CHRDL1: variants seen among roughly 807,000 people sequenced by gnomAD.
The protein encoded by CHRDL1 is chordin like 1.
A neutral mutation model predicts 40.9 loss-of-function variants in CHRDL1; 19 were observed. That is an observed-to-expected ratio of 0.46 (90% CI 0.32 to 0.68). CHRDL1 has a LOEUF of 0.68. CHRDL1 is among the 30% of genes least tolerant of loss of function. CHRDL1 has a pLI of 0.03. For missense variants in CHRDL1, 329 were observed against 352.1 expected, an observed-to-expected ratio of 0.93 and a Z score of 0.53; for synonymous variants, 136 against 123.4, an observed-to-expected ratio of 1.10 and a Z score of -0.68.
chrX:110,718,882 T>C (rs1362280327), intron 6 of CHRDL1, among the ~76,000 whole-genome samples: 2 of 111,970 alleles, frequency 1.8e-5, no homozygotes, highest in East Asian at 5.6e-4. Context: ...TATTGTTGTG[T>C]AGGTTGTGTG....
At chrX:110,689,796 C>CATCTATAT (rs2070190654) in intron 8 of CHRDL1, among the ~76,000 whole-genome samples, 1 of 1,951 alleles carries the variant, frequency 5.1e-4, no homozygotes, top group Non-Finnish European at 9.0e-4. Context: ...TATATCTATA[C>CATCTATAT]ATCTATATAT....
Position 110,741,843 on chromosome X carries a change from T to C in CHRDL1, c.301+17818A>G, listed in dbSNP as rs181005350. 1.7e-3 allele frequency among the ~76,000 whole-genome samples: 188 copies of C among 112,041 alleles called. 1 individual carries two copies. The highest frequency in any genetic ancestry group is 5.9e-3 in the African/African-American group (182 of 30,860). On this transcript the variant is annotated intron_variant, in intron 4 of 11. Coordinates refer to ENST00000372042, the MANE Select transcript of CHRDL1 (RefSeq NM_001143981.2). ...AACCATCTGGCCATTCTACTGCAGA[T>C]AGGCCACAGGCTATTTACCCCCTTG...
chrX:110,721,325 C>CA (rs2070946954), intron 5 of CHRDL1, 60 bp downstream of exon 5: 1 of 1,074,031 alleles, frequency 9.3e-7, no homozygotes. Context: ...AGTACAAGTA[C>CA]AGAGGAAGCT....
chrX:110,772,110 A>G (rs1256481315), intron 2 of CHRDL1, among the ~76,000 whole-genome samples: 4 of 111,473 alleles, frequency 3.6e-5, no homozygotes, highest in African/African-American at 1.3e-4. Context: ...GAAAAAATCA[A>G]TGAAGGCCTA....
chrX:110,775,350 T>G (rs952838032), intron 2 of CHRDL1, among the ~76,000 whole-genome samples: 1 of 111,371 alleles, frequency 9.0e-6, no homozygotes, highest in Non-Finnish European at 1.9e-5. Flanking sequence ...AAAATAAAAT[T>G]TGAATTTCAC....
rs769304713 is a variant in CHRDL1 at position 110,729,032 on chromosome X, C to A, written c.302-7502G>T. Among the ~76,000 whole-genome samples, 5 of 112,100 alleles carry A rather than the reference C, an allele frequency of 4.5e-5. No homozygotes were observed. In the South Asian group the frequency reaches 1.5e-3, roughly 34 times the overall value. On this transcript the variant is annotated intron_variant, in intron 4 of 11. Coordinates refer to ENST00000372042, the MANE Select transcript of CHRDL1 (RefSeq NM_001143981.2). ...ATCCCAGCTACTCTGGAGGCTGAGG[C>A]AGGAGAATCGCTTGAACCTGGGAGG...
At chrX:110,750,220 A>AC (rs1001214624) in intron 4 of CHRDL1, among the ~76,000 whole-genome samples, 4 of 111,936 alleles carry the variant, frequency 3.6e-5, no homozygotes, top group Admixed American at 1.9e-4. Context: ...TTAATTTACT[A>AC]CCTTCAAAGA....
At chrX:110,775,554 T>A (rs1158953425) in intron 2 of CHRDL1, among the ~76,000 whole-genome samples, 4 of 111,729 alleles carry the variant, frequency 3.6e-5, no homozygotes, top group African/African-American at 1.3e-4. Context: ...AACATCATGT[T>A]GTATACCTTA....
intron 4 of CHRDL1, among the ~76,000 whole-genome samples, chrX:110,751,480 A>C (rs907780604): frequency 1.8e-5 from 2 of 112,325 alleles, no homozygotes; most frequent in Middle Eastern, 4.6e-3. Flanking sequence ...GTACTAATGT[A>C]TCAAGGCTCT....
chrX:110,719,632 GTTT>G (rs77947691), intron 6 of CHRDL1, among the ~76,000 whole-genome samples, 200 bp downstream of exon 6: 1 of 96,132 alleles, frequency 1.0e-5, no homozygotes. Flanking sequence ...CCATCCTGTA[GTTT>G]TTTTTTTTTT....
chrX:110,679,275 C>T, intron 11 of CHRDL1, 61 bp downstream of exon 11: 2 of 790,944 alleles, frequency 2.5e-6, no homozygotes, highest in Non-Finnish European at 3.9e-6. Context: ...TTAGCTGTGG[C>T]TATGCTAAAT....
chrX:110,704,816 A>G (rs1279845286), intron 6 of CHRDL1, among the ~76,000 whole-genome samples: 1 of 111,347 alleles, frequency 9.0e-6, no homozygotes, highest in Non-Finnish European at 1.9e-5. Context: ...ACAAAATGTA[A>G]AAGCTATATA....
At chrX:110,794,328 T>C (rs185632355) in intron 1 of CHRDL1, among the ~76,000 whole-genome samples, 1 of 112,185 alleles carries the variant, frequency 8.9e-6, no homozygotes, top group East Asian at 2.8e-4. Context: ...TAACTCTCTG[T>C]CTGCTTCACA....
chrX:110,697,878 A>G (rs1175253042), intron 7 of CHRDL1, among the ~76,000 whole-genome samples: 6 of 85,105 alleles, frequency 7.1e-5, no homozygotes, highest in African/African-American at 2.0e-4. Context: ...ACACACACAC[A>G]CGCAGACACA....
At position 110,744,649 on chromosome X, in the gene CHRDL1, A is replaced by T. The variant is rs1035536668; in HGVS notation, c.301+15012T>A. The stretch of plus-strand genomic sequence containing the variant: ...GGGAACATGTACATTCTGATAAGCC[A>T]ACATGCTGAAAAATTATATTATCCC... On this transcript the variant is annotated intron_variant, in intron 4 of 11. Coordinates refer to ENST00000372042, the MANE Select transcript of CHRDL1 (RefSeq NM_001143981.2). Among the ~76,000 whole-genome samples the T allele has an allele frequency of 4.5e-5, 5 of 111,422 alleles. No homozygotes were observed. The East Asian group carries it at 1.4e-3, about 32-fold the overall frequency.
At chrX:110,691,660 G>T (rs778177086) in intron 8 of CHRDL1, among the ~76,000 whole-genome samples, 18 of 112,022 alleles carry the variant, frequency 1.6e-4, no homozygotes, top group African/African-American at 5.8e-4. Flanking sequence ...CACTGGGCTA[G>T]TTCTTTCTCA....
chrX:110,778,135 T>C lies in CHRDL1; in HGVS notation c.94+13953A>G, dbSNP rs765881322. On this transcript the variant is annotated intron_variant, in intron 2 of 11. Coordinates refer to ENST00000372042, the MANE Select transcript of CHRDL1 (RefSeq NM_001143981.2). ...GGGTTAAAGACTTAAATGTAAAACCTAAAACTATAAAAACCCTGGAAGATA... is the reference window on the plus strand; with the variant it reads ...GGGTTAAAGACTTAAATGTAAAACCCAAAACTATAAAAACCCTGGAAGATA... 3.5e-4 allele frequency among the ~76,000 whole-genome samples: 39 copies of C among 110,941 alleles called. No homozygotes were observed. The South Asian group carries it at 5.3e-3, about 15-fold the overall frequency.
At chrX:110,785,074 T>G (rs1353340806) in intron 2 of CHRDL1, among the ~76,000 whole-genome samples, 3 of 112,229 alleles carry the variant, frequency 2.7e-5, no homozygotes, top group Non-Finnish European at 5.6e-5. Flanking sequence ...ATCAGCACTT[T>G]AGCGGTGCAA....
At position 110,688,797 on chromosome X, in the gene CHRDL1, A is replaced by G. The variant is rs761121418; in HGVS notation, c.785T>C (p.Val262Ala). ...ATGAGAATAGGTCTTTCCATTGGAA[A>G]CACACACTGAAAGAGAATGCAGAAT... The part of the protein sequence containing the change: ...NNKHKHGQVC[V>A]SNGKTYSHGE... The change falls in exon 9 of 12, where the codon GTT becomes GCT. Residue 262 changes from valine to alanine, a missense_variant. Coordinates refer to ENST00000372042, the MANE Select transcript of CHRDL1 (RefSeq NM_001143981.2). 3 of 1,194,886 alleles carry G rather than the reference A, an allele frequency of 2.5e-6. No homozygotes were observed. The highest frequency in any genetic ancestry group is 4.4e-5 in the Admixed American group (2 of 45,286).
Sources: gnomAD v4.1 joint callset for allele counts (sites outside exome capture counted in the v4.1 genomes callset) on GRCh38, gnomAD v4.1.1 for gene constraint, MANE v1.5 for transcripts, NCBI Gene and HGNC (gene_info 2026-07-23, HGNC 2026-07-21) for gene names.